MMS22L: variants seen among roughly 807,000 people sequenced by gnomAD.
MMS22L encodes the protein MMS22 like, DNA repair protein, also known as protein MMS22-like.
MMS22L carries 74 observed loss-of-function variants against 159.1 expected under a neutral mutation model. The ratio of observed to expected loss-of-function variants is 0.47; its 90% confidence interval spans 0.39 to 0.56. The LOEUF (loss-of-function observed/expected upper bound fraction) is 0.56, where lower values mean the gene tolerates loss of function less well. Among genes scored for constraint, MMS22L ranks in the 20% least tolerant of loss-of-function variants. MMS22L has a pLI of 0.00. For synonymous variants in MMS22L, 517 were observed against 506.9 expected, an observed-to-expected ratio of 1.02 and a Z score of -0.27; for missense variants, 1,351 against 1,422.1, an observed-to-expected ratio of 0.95 and a Z score of 0.80.
intron 22 of MMS22L, among the ~76,000 whole-genome samples, chr6:97,159,948 GT>G (rs368455553): frequency 0.024 from 2,373 of 97,178 alleles, 39 homozygotes; most frequent in African/African-American, 0.083. Context: ...TATCATTTCT[GT>G]TTTTTTTTTT....
chr6:97,167,741 C>T (rs1352003101), intron 20 of MMS22L, among the ~76,000 whole-genome samples: 1 of 152,008 alleles, frequency 6.6e-6, no homozygotes, highest in African/African-American at 2.4e-5. Context: ...CCATTTTGCT[C>T]TTTTACCTCT....
chr6:97,220,463 A>G (rs763423534), intron 14 of MMS22L, among the ~76,000 whole-genome samples: 1 of 152,188 alleles, frequency 6.6e-6, no homozygotes, highest in Non-Finnish European at 1.5e-5. Flanking sequence ...TGTGTGAATT[A>G]TATCTGAATA....
chr6:97,165,419 A>G lies in MMS22L; in HGVS notation c.3048T>C (p.Asn1016=). Residue 1016 remains asparagine, a synonymous_variant, in exon 21 of 25, where the codon AAT becomes AAC. Transcript: ENST00000683635. ...CIVCCQSQNP[N]AYLNQLLGNV... ...TCCCTAGCAATTGATTCAAATAGGC[A>G]TTCGGATTTTGAGATTGACAACACA... is the stretch of plus-strand genomic sequence containing the variant. 1 of 1,613,134 alleles carries G rather than the reference A, an allele frequency of 6.2e-7. No individual in the cohort carries two copies. Among genetic ancestry groups the G allele is most frequent in the South Asian group, 1.1e-5 (1 of 91,060 alleles).
chr6:97,263,435 T>C lies in MMS22L; in HGVS notation c.842A>G (p.Glu281Gly). ...TGGACACTGGTCACTCATTAATGATTCAGAAGACCTAACCTATAGAAAATA... is the reference window on the plus strand; with the variant it reads ...TGGACACTGGTCACTCATTAATGATCCAGAAGACCTAACCTATAGAAAATA... ...LNRYDKVRSS[E>G]SLMSDQCPCL... The change falls in exon 9 of 25, where the codon GAA (glutamate) becomes GGA (glycine). Residue 281 changes from glutamate (E) to glycine (G), a missense_variant. Physicochemically the swap from Glu to Gly is moderately conservative, Grantham distance 98. Coordinates refer to ENST00000683635, the MANE Select transcript of MMS22L (RefSeq NM_001350599.2). The C allele has an allele frequency of 6.4e-7, 1 of 1,561,960 alleles. No individual in the cohort carries two copies. The highest frequency in any genetic ancestry group is 2.1e-5 in the Admixed American group (1 of 47,556).
Position 97,179,526 on chromosome 6 carries a change from A to G in MMS22L, c.2418T>C (p.Tyr806=), listed in dbSNP as rs1252849214. 1 of 1,612,362 alleles carries G rather than the reference A, an allele frequency of 6.2e-7. No homozygotes were observed. Among genetic ancestry groups the G allele is most frequent in the Admixed American group, 1.7e-5 (1 of 59,840 alleles). Reference sequence around the variant, plus strand: ...TTACGGTTAAGGCTTGAAAAGATACATAGCCTGAATGAGAAAGTGCTTCAC... The same window carrying G: ...TTACGGTTAAGGCTTGAAAAGATACGTAGCCTGAATGAGAAAGTGCTTCAC... ...TLCEALSHSG[Y]VSFQALTVRS... is the part of the protein sequence containing the mutation. Residue 806 remains tyrosine (Y), a synonymous_variant, in exon 17 of 25, where the codon TAT becomes TAC. Transcript: ENST00000683635.
At chr6:97,223,462 G>T (rs901386484) in intron 14 of MMS22L, among the ~76,000 whole-genome samples, 2 of 152,040 alleles carry the variant, frequency 1.3e-5, no homozygotes, top group Non-Finnish European at 2.9e-5. Flanking sequence ...TAACTAAAGG[G>T]GGCGGCGAGC....
intron 10 of MMS22L, among the ~76,000 whole-genome samples, chr6:97,249,083 G>A (rs1330062579): frequency 6.6e-6 from 1 of 152,132 alleles, no homozygotes; most frequent in Admixed American, 6.5e-5. Flanking sequence ...GGGGCTTTGA[G>A]TCAGTTGACT....
intron 19 of MMS22L, among the ~76,000 whole-genome samples, chr6:97,170,294 G>A (rs191114651): frequency 4.2e-4 from 64 of 152,122 alleles, no homozygotes; most frequent in Non-Finnish European, 6.6e-4. Flanking sequence ...TTCATATAAG[G>A]TGGAGATATT....
At chr6:97,241,452 A>G (rs748095011) in intron 11 of MMS22L, among the ~76,000 whole-genome samples, 19 of 151,806 alleles carry the variant, frequency 1.3e-4, no homozygotes, top group Non-Finnish European at 1.9e-4. Context: ...CCAAATCCAC[A>G]CCAACATCTA....
At chr6:97,198,170 C>G (rs778910573) in intron 14 of MMS22L, among the ~76,000 whole-genome samples, 5 of 152,044 alleles carry the variant, frequency 3.3e-5, no homozygotes, top group Non-Finnish European at 7.4e-5. Context: ...GTCCAATGAC[C>G]CTGAGAATAC....
At chr6:97,222,078 T>C (rs1809715750) in intron 14 of MMS22L, among the ~76,000 whole-genome samples, 1 of 152,068 alleles carries the variant, frequency 6.6e-6, no homozygotes, top group African/African-American at 2.4e-5. Flanking sequence ...CAGTTCCTCT[T>C]GTACCTCCTT....
intron 11 of MMS22L, chr6:97,245,854 C>G (rs941946243): frequency 6.2e-4 from 54 of 87,482 alleles, no homozygotes; most frequent in Non-Finnish European, 1.2e-3. Flanking sequence ...ACTACAGACA[C>G]ACACACACAC....
At chr6:97,267,787 T>A in intron 8 of MMS22L, 85 bp downstream of exon 8, 1 of 1,213,756 alleles carries the variant, frequency 8.2e-7, no homozygotes, top group East Asian at 2.9e-5. Context: ...AGCATTTTAG[T>A]TTAAATTCTT....
intron 14 of MMS22L, among the ~76,000 whole-genome samples, chr6:97,188,114 G>A (rs1011721348): frequency 1.3e-5 from 2 of 152,142 alleles, no homozygotes; most frequent in African/African-American, 4.8e-5. Flanking sequence ...TTATCTTAGA[G>A]TGAGATAAAT....
In MMS22L at chr6:97,144,167, G is replaced by T. The variant is rs1361295626; in HGVS notation, c.*2639C>A. 4 of 145,958 alleles carry T rather than the reference G, an allele frequency of 2.7e-5. No individual in the cohort carries two copies. Among genetic ancestry groups the T allele is most frequent in the African/African-American group, 7.6e-5 (3 of 39,332 alleles). The allele number at this position is 145,958 out of a possible 1,614,324, so 9.0% of individuals were successfully genotyped here. A position where few individuals can be genotyped will look rare whatever the true frequency, so the allele number is the denominator to read the frequency against. On this transcript the variant is annotated 3_prime_UTR_variant, in exon 25 of 25. Coordinates refer to ENST00000683635, the MANE Select transcript of MMS22L (RefSeq NM_001350599.2). ...TGGAGTTATCAGTTCACCACTAACA[G>T]AATGTTGAGACAAAGCAGATGAAGG...
chr6:97,156,799 GCA>G (rs1801899156), intron 22 of MMS22L, among the ~76,000 whole-genome samples: 1 of 152,020 alleles, frequency 6.6e-6, no homozygotes, highest in African/African-American at 2.4e-5. Flanking sequence ...TCTCGGCTAT[GCA>G]CACTTTTTTT....
chr6:97,181,801 T>C lies in MMS22L; in HGVS notation c.2384+103A>G, dbSNP rs370225948. On this transcript the variant is annotated intron_variant, in intron 16 of 24. Transcript: ENST00000683635. ...AAAAACCTGACAAAGTGAGAGTATA[T>C]GTAGTAGAGATCAGTCCTCATTTGT... 2.3e-5 allele frequency: 28 copies of C among 1,212,586 alleles called. No homozygotes were observed. The East Asian group carries it at 3.6e-4, about 16-fold the overall frequency. The allele number at this position is 1,212,586 out of a possible 1,614,324, so 75.1% of individuals were successfully genotyped here.
Position 97,229,163 on chromosome 6 carries a change from A to G in MMS22L, c.1770T>C (p.Val590=). The change falls in exon 14 of 25, where the codon GTT becomes GTC. Residue 590 remains valine (V), a synonymous_variant. Coordinates refer to ENST00000683635, the MANE Select transcript of MMS22L (RefSeq NM_001350599.2). ...MYAQKNLDIG[V]LAEKFSCAFR... is the part of the protein sequence containing the mutation. ...AAGCACATGAAAATTTCTCAGCCAA[A>G]ACACCAATGTCCAGATTTTTCTGGG... 1 of 1,614,114 alleles carries G rather than the reference A, an allele frequency of 6.2e-7. No individual in the cohort carries two copies. Among genetic ancestry groups the G allele is most frequent in the Non-Finnish European group, 8.5e-7 (1 of 1,180,012 alleles).
At chr6:97,276,444 AAAGG>A (rs1816251903) in intron 4 of MMS22L, among the ~76,000 whole-genome samples, 3 of 65,546 alleles carry the variant, frequency 4.6e-5, no homozygotes, top group Non-Finnish European at 7.9e-5. Flanking sequence ...TATTCTACGT[AAAGG>A]TAAAGGTATT....
Sources: allele counts gnomAD v4.1 joint callset (sites outside exome capture counted in the v4.1 genomes callset), GRCh38; gene constraint gnomAD v4.1.1; transcripts MANE v1.5; gene names NCBI Gene and HGNC (gene_info 2026-07-23, HGNC 2026-07-21).